The following FAAH2 variants were observed in gnomAD, a reference collection of about 807,000 sequenced individuals.
FAAH2 encodes fatty-acid amide hydrolase 2.
A neutral mutation model predicts 36.9 loss-of-function variants in FAAH2; 60 were observed. The observed-to-expected ratio is 1.63, with a 90% CI of 1.32 to 2.02. The LOEUF (loss-of-function observed/expected upper bound fraction) is 2.02. FAAH2 is among the 30% of genes most tolerant of loss of function. The pLI is 0.00. For synonymous variants in FAAH2, 214 were observed against 143.8 expected, an observed-to-expected ratio of 1.49 and a Z score of -3.49; for missense variants, 689 against 397.5, an observed-to-expected ratio of 1.73 and a Z score of -6.23.
At chrX:57,423,742 A>T (rs1314497570) in intron 7 of FAAH2, among the ~76,000 whole-genome samples, 1 of 111,034 alleles carries the variant, frequency 9.0e-6, no homozygotes, top group African/African-American at 3.3e-5. Flanking sequence ...CTAAGCATGG[A>T]CTTGCCTAGC....
intron 3 of FAAH2, among the ~76,000 whole-genome samples, chrX:57,328,800 T>C (rs1384178100): frequency 1.8e-5 from 2 of 111,746 alleles, no homozygotes; most frequent in African/African-American, 6.5e-5. Flanking sequence ...TTTGACTGGC[T>C]TCATTTCTGG....
At chrX:57,476,362 A>G (rs1346076904) in intron 10 of FAAH2, among the ~76,000 whole-genome samples, 1 of 110,864 alleles carries the variant, frequency 9.0e-6, no homozygotes, top group African/African-American at 3.3e-5. Context: ...TTATTTTGAG[A>G]TGTGTTCCAT....
At chrX:57,132,149 CTCTG>C in the FAAH2 span, among the ~76,000 whole-genome samples, 1 of 112,436 alleles carries the variant, frequency 8.9e-6, no homozygotes, top group Non-Finnish European at 1.9e-5. Context: ...CAGGTTTAAA[CTCTG>C]TCTGAATACT....
intron 7 of FAAH2, among the ~76,000 whole-genome samples, chrX:57,396,151 G>C (rs965813189): frequency 9.0e-6 from 1 of 110,674 alleles, no homozygotes; most frequent in African/African-American, 3.3e-5. Flanking sequence ...GATCTTTTCT[G>C]TTTCTGTGAT....
At chrX:57,413,137 G>A (rs2055746083) in intron 7 of FAAH2, among the ~76,000 whole-genome samples, 1 of 111,734 alleles carries the variant, frequency 8.9e-6, no homozygotes, top group Non-Finnish European at 1.9e-5. Flanking sequence ...TTTGTCAGAT[G>A]GAGAGATTGC....
At chrX:57,123,337 A>T in the FAAH2 span, among the ~76,000 whole-genome samples, 23 of 111,863 alleles carry the variant, frequency 2.1e-4, no homozygotes, top group Admixed American at 1.6e-3. Context: ...CGGACTCATC[A>T]TTTTTTATGG....
the FAAH2 span, among the ~76,000 whole-genome samples, chrX:57,177,136 T>C: frequency 9.0e-6 from 1 of 110,838 alleles, no homozygotes; most frequent in Non-Finnish European, 1.9e-5. Flanking sequence ...AATACCCCAA[T>C]AGTGAGAAGT....
At chrX:57,213,870 G>A in the FAAH2 span, among the ~76,000 whole-genome samples, 1 of 111,690 alleles carries the variant, frequency 9.0e-6, no homozygotes, top group Admixed American at 9.5e-5. Flanking sequence ...ACTATGTTCA[G>A]TGTTCCTTTA....
At chrX:57,437,923 A>T (rs1161406867) in intron 8 of FAAH2, among the ~76,000 whole-genome samples, 1 of 103,598 alleles carries the variant, frequency 9.7e-6, no homozygotes, top group Admixed American at 1.1e-4. Context: ...ACGTACATGT[A>T]TACACATATA....
At chrX:57,263,026 C>G in the FAAH2 span, among the ~76,000 whole-genome samples, 1 of 111,274 alleles carries the variant, frequency 9.0e-6, no homozygotes, top group African/African-American at 3.3e-5. Flanking sequence ...AGTGTGAGAG[C>G]TTTTCCCCTA....
chrX:57,421,121 A>T (rs2056011322), intron 7 of FAAH2, among the ~76,000 whole-genome samples: 1 of 112,198 alleles, frequency 8.9e-6, no homozygotes, highest in African/African-American at 3.2e-5. Context: ...TAGCTCCAAC[A>T]CATGAGTGAA....
chrX:57,373,868 T>C (rs755549455), intron 5 of FAAH2, among the ~76,000 whole-genome samples: 1 of 111,953 alleles, frequency 8.9e-6, no homozygotes, highest in Non-Finnish European at 1.9e-5. Context: ...GATTTAGGTA[T>C]CTGATCCATC....
chrX:57,479,827 T>A (rs2057345564), intron 10 of FAAH2, among the ~76,000 whole-genome samples: 1 of 111,260 alleles, frequency 9.0e-6, no homozygotes, highest in Admixed American at 9.6e-5. Flanking sequence ...GAAACCCACT[T>A]GATCATGGTG....
intron 10 of FAAH2, among the ~76,000 whole-genome samples, chrX:57,485,250 G>A (rs375352465): frequency 9.0e-6 from 1 of 111,534 alleles, no homozygotes; most frequent in Non-Finnish European, 1.9e-5. Flanking sequence ...TCTCTCCCTG[G>A]CCCAGAGGTG....
In FAAH2 at chrX:57,401,240, G is replaced by C. The variant is rs183422752; in HGVS notation, c.996+20211G>C. ...CATACCAAAAGACAAGAGTGTCCAGGTATGAGAACTGGCTCAAATCTTGGG... is the reference window on the plus strand; with the variant it reads ...CATACCAAAAGACAAGAGTGTCCAGCTATGAGAACTGGCTCAAATCTTGGG... On this transcript the variant is annotated intron_variant, in intron 7 of 10. Coordinates refer to ENST00000374900, the MANE Select transcript of FAAH2 (RefSeq NM_174912.4). 4.3e-3 allele frequency among the ~76,000 whole-genome samples: 482 copies of C among 112,236 alleles called. 3 individuals are homozygous for C. The highest frequency in any genetic ancestry group is 0.015 in the African/African-American group (460 of 30,915).
At chrX:57,308,597 A>G (rs1038920908) in intron 2 of FAAH2, among the ~76,000 whole-genome samples, 4 of 111,864 alleles carry the variant, frequency 3.6e-5, no homozygotes, top group African/African-American at 9.7e-5. Context: ...ATTACATCAC[A>G]TGAGTGTCAG....
chrX:57,435,855 T>G (rs192604385), intron 8 of FAAH2, among the ~76,000 whole-genome samples: 21 of 111,491 alleles, frequency 1.9e-4, no homozygotes, highest in Non-Finnish European at 3.0e-4. Flanking sequence ...TAACACACTT[T>G]GACAGAAAAG....
At chrX:57,223,410 TCTTCCTCACTCTCAAAGC>T in the FAAH2 span, among the ~76,000 whole-genome samples, 1 of 111,751 alleles carries the variant, frequency 8.9e-6, no homozygotes, top group African/African-American at 3.3e-5. Context: ...GGTGCTTTAT[TCTTCCTCACTCTCAAAGC>T]CTTCCTCACC....
intron 5 of FAAH2, among the ~76,000 whole-genome samples, chrX:57,348,553 C>A (rs909545241): frequency 9.0e-6 from 1 of 111,151 alleles, no homozygotes; most frequent in African/African-American, 3.3e-5. Flanking sequence ...AGGATGGATG[C>A]TCTTAGCTAC....
Sources: gnomAD v4.1 joint callset for allele counts (sites outside exome capture counted in the v4.1 genomes callset) on GRCh38, gnomAD v4.1.1 for gene constraint, MANE v1.5 for transcripts, NCBI Gene and HGNC (gene_info 2026-07-23, HGNC 2026-07-21) for gene names.